Variants in PTPRN2 observed in about 807,000 individuals in gnomAD.
PTPRN2 encodes protein tyrosine phosphatase receptor type N2.
Under a neutral mutation model 118.8 loss-of-function variants are expected in PTPRN2, and 74 were observed. The ratio of observed to expected loss-of-function variants is 0.62; its 90% CI spans 0.52 to 0.76. The LOEUF (loss-of-function observed/expected upper bound fraction) is 0.76. PTPRN2 is among the 30% of genes least tolerant of loss of function. The pLI, the probability that PTPRN2 is intolerant of heterozygous loss-of-function variation, is 0.00. For missense variants in PTPRN2, 1,481 were observed against 1,394.4 expected, an observed-to-expected ratio of 1.06 and a Z score of -0.99; for synonymous variants, 641 against 608.0, an observed-to-expected ratio of 1.05 and a Z score of -0.80.
intron 14 of PTPRN2, among the ~76,000 whole-genome samples, chr7:157,630,490 C>T (rs540279302): frequency 3.6e-4 from 55 of 152,316 alleles, no homozygotes; most frequent in African/African-American, 1.2e-3. Flanking sequence ...TTCACCATCC[C>T]GCTCCTCTAA....
rs577716615 is a variant in PTPRN2 at position 158,540,537 on chromosome 7, AG to A, written c.112+47020del. 1.9e-3 allele frequency among the ~76,000 whole-genome samples: 290 copies of A among 152,184 alleles called. 5 individuals carry two copies. The highest frequency in any genetic ancestry group is 0.017 in the Admixed American group (259 of 15,300). On this transcript the variant is annotated intron_variant, in intron 1 of 22. Transcript: ENST00000389418. ...TCCATGGGAGGAAAGCACATGGCCAAGGGGGGGTTTCTTTGGAGGTGGCTCT... is the reference window on the plus strand; with the variant it reads ...TCCATGGGAGGAAAGCACATGGCCAAGGGGGGTTTCTTTGGAGGTGGCTCT...
At chr7:157,943,087 CT>C (rs1474765478) in intron 11 of PTPRN2, among the ~76,000 whole-genome samples, 2 of 152,200 alleles carry the variant, frequency 1.3e-5, no homozygotes, top group Non-Finnish European at 2.9e-5. Context: ...CCCAGGAAGC[CT>C]TTGCATTCAT....
intron 2 of PTPRN2, among the ~76,000 whole-genome samples, chr7:158,460,547 C>G (rs1158897853): frequency 2.3e-5 from 3 of 132,042 alleles, no homozygotes; most frequent in South Asian, 2.5e-4. Context: ...TGTGCCGAGA[C>G]CACAGGAGGG....
intron 12 of PTPRN2, among the ~76,000 whole-genome samples, chr7:157,734,142 G>T (rs2707936): frequency 0.14 from 3,724 of 25,908 alleles, 954 homozygotes; most frequent in Non-Finnish European, 0.21. Context: ...TCCCGTCCCA[G>T]GCGCCCAGCA....
At chr7:158,277,332 G>A (rs562414223) in intron 3 of PTPRN2, among the ~76,000 whole-genome samples, 49 of 152,318 alleles carry the variant, frequency 3.2e-4, no homozygotes, top group African/African-American at 9.6e-4. Flanking sequence ...CGGGCAGTCA[G>A]GGCTTCAGCC....
At chr7:158,502,231 G>A (rs116141782) in intron 1 of PTPRN2, among the ~76,000 whole-genome samples, 7 of 152,228 alleles carry the variant, frequency 4.6e-5, no homozygotes, top group East Asian at 3.9e-4. Context: ...ACACAGCCAC[G>A]CCCACTTGCT....
At chr7:158,499,753 G>A (rs946683022) in intron 1 of PTPRN2, among the ~76,000 whole-genome samples, 3 of 151,540 alleles carry the variant, frequency 2.0e-5, no homozygotes, top group African/African-American at 4.9e-5. Context: ...CCTGGGTGAC[G>A]GAGCAAGACT....
At chr7:158,548,035 G>A (rs1449396451) in intron 1 of PTPRN2, among the ~76,000 whole-genome samples, 1 of 152,220 alleles carries the variant, frequency 6.6e-6, no homozygotes, top group Non-Finnish European at 1.5e-5. Flanking sequence ...CTCCAGGCCA[G>A]ACATCCAGCA....
chr7:158,271,882 A>T (rs572986871), intron 3 of PTPRN2, among the ~76,000 whole-genome samples: 1 of 151,830 alleles, frequency 6.6e-6, no homozygotes, highest in Non-Finnish European at 1.5e-5. Flanking sequence ...CCCTAACACC[A>T]TGGCCTTGGG....
At chr7:157,612,796 TC>T (rs1157521450) in intron 15 of PTPRN2, among the ~76,000 whole-genome samples, 1 of 151,158 alleles carries the variant, frequency 6.6e-6, no homozygotes, top group East Asian at 2.0e-4. Context: ...GCAACTCACT[TC>T]CGCCGCACGG....
At chr7:157,605,979 T>G (rs1801978400) in intron 15 of PTPRN2, among the ~76,000 whole-genome samples, 1 of 152,228 alleles carries the variant, frequency 6.6e-6, no homozygotes, top group African/African-American at 2.4e-5. Flanking sequence ...CTCTGTCTCC[T>G]GCTGCCATTC....
At chr7:158,515,100 G>A (rs1439321026) in intron 1 of PTPRN2, among the ~76,000 whole-genome samples, 3 of 152,172 alleles carry the variant, frequency 2.0e-5, no homozygotes, top group Admixed American at 6.5e-5. Flanking sequence ...CTATGGCGAG[G>A]AGAACTGGGA....
At chr7:157,586,352 C>T (rs1213044656) in intron 17 of PTPRN2, among the ~76,000 whole-genome samples, 1 of 152,208 alleles carries the variant, frequency 6.6e-6, no homozygotes, top group East Asian at 1.9e-4. Context: ...CAGTGAGATC[C>T]ACAGACGGTT....
At chr7:157,976,271 G>T (rs1331538572) in intron 11 of PTPRN2, among the ~76,000 whole-genome samples, 1 of 152,226 alleles carries the variant, frequency 6.6e-6, no homozygotes, top group South Asian at 2.1e-4. Flanking sequence ...AGGAGGCGCT[G>T]ATGAGTTGCT....
chr7:158,098,118 G>C (rs113592742), intron 10 of PTPRN2, among the ~76,000 whole-genome samples: 2 of 152,202 alleles, frequency 1.3e-5, no homozygotes, highest in African/African-American at 2.4e-5. Flanking sequence ...TGGAAGTAAG[G>C]CTTGCGTGGT....
intron 11 of PTPRN2, among the ~76,000 whole-genome samples, chr7:157,948,128 A>G (rs948238277): frequency 2.0e-5 from 3 of 152,256 alleles, no homozygotes; most frequent in African/African-American, 7.2e-5. Flanking sequence ...CAAGAAAATA[A>G]AGAACTTCAG....
intron 2 of PTPRN2, among the ~76,000 whole-genome samples, chr7:158,404,689 C>T (rs978529894): frequency 6.7e-6 from 1 of 149,228 alleles, no homozygotes; most frequent in Admixed American, 6.6e-5. Context: ...TCCTTGGCCT[C>T]AGCTCCCGGG....
At chr7:158,025,867 G>A (rs745747897) in intron 11 of PTPRN2, among the ~76,000 whole-genome samples, 3 of 152,232 alleles carry the variant, frequency 2.0e-5, no homozygotes, top group African/African-American at 7.2e-5. Flanking sequence ...ATTCCAATCC[G>A]GAGTGGGATT....
intron 12 of PTPRN2, among the ~76,000 whole-genome samples, chr7:157,696,731 C>T (rs1264835268): frequency 2.0e-5 from 3 of 149,182 alleles, no homozygotes; most frequent in Non-Finnish European, 4.5e-5. Context: ...GCAGAGCCCT[C>T]ACCGTCTACC....
Sources: allele counts gnomAD v4.1 joint callset (sites outside exome capture counted in the v4.1 genomes callset), GRCh38; gene constraint gnomAD v4.1.1; transcripts MANE v1.5; gene names NCBI Gene and HGNC (gene_info 2026-07-23, HGNC 2026-07-21).